Variants in CELF4 observed in about 807,000 individuals in gnomAD.
CELF4 encodes the protein CUGBP Elav-like family member 4, also known as CUG-BP- and ETR-3-like factor 4.
Under a neutral mutation model 59.9 loss-of-function variants are expected in CELF4, and 18 were observed. The ratio of observed to expected loss-of-function variants is 0.30; its 90% confidence interval spans 0.21 to 0.45. The LOEUF (loss-of-function observed/expected upper bound fraction) is 0.45, where lower values mean the gene tolerates loss of function less well. Ranked by LOEUF, CELF4 falls within the 20% of genes least tolerant of loss-of-function variation. The pLI is 1.00. For synonymous variants in CELF4, 261 were observed against 267.1 expected (o/e 0.98, Z 0.22); for missense variants, 456 against 689.0 (o/e 0.66, Z 3.79).
At chr18:37,521,355 C>T (rs1221547829) in intron 1 of CELF4, among the ~76,000 whole-genome samples, 1 of 152,064 alleles carries the variant, frequency 6.6e-6, no homozygotes, top group Non-Finnish European at 1.5e-5. Context: ...CAAGTCCCCA[C>T]ACTCTCTATT....
intron 2 of CELF4, among the ~76,000 whole-genome samples, chr18:37,406,418 C>T (rs926755480): frequency 5.9e-5 from 9 of 152,180 alleles, no homozygotes; most frequent in Non-Finnish European, 8.8e-5. Context: ...CTCCCACATA[C>T]GTCCCTATCC....
Position 37,253,377 on chromosome 18 carries a change from G to A in CELF4, c.*44+390C>T, listed in dbSNP as rs1264431512. 1.3e-5 allele frequency among the ~76,000 whole-genome samples: 2 copies of A among 152,302 alleles called. No homozygotes were observed. Among genetic ancestry groups the A allele is most frequent in the African/African-American group, 4.8e-5 (2 of 41,570 alleles). On this transcript the variant is annotated intron_variant, in intron 12 of 12. Coordinates refer to ENST00000420428, the MANE Select transcript of CELF4 (RefSeq NM_020180.4). The surrounding 1 kb of genome is among the most constrained non-coding windows in gnomAD (Gnocchi z 4.5). ...CCGGGGGTCTGGGAGCAGGCCCCGC[G>A]GGCGGCTGCAGCTCTTCTGGGTAGA...
rs2154361657 is a variant in CELF4 at position 37,274,856 on chromosome 18, G to T, written c.606C>A (p.His202Gln). ...CGTTGATGGCGGCCTGCGCCTCGGCGTGGGAGGAGTACTTCACAAAGGCGC... is the reference window on the plus strand; with the variant it reads ...CGTTGATGGCGGCCTGCGCCTCGGCTTGGGAGGAGTACTTCACAAAGGCGC... Reference protein sequence around the residue: ...KGCAFVKYSSHAEAQAAINAL... With the variant: ...KGCAFVKYSSQAEAQAAINAL... The change falls in exon 5 of 13, where the codon CAC becomes CAA. Residue 202 changes from histidine to glutamine, a missense_variant. By Grantham distance (24) the His-to-Gln change is conservative. This residue lies in a region of CELF4 where 56 missense variants were observed against 92.0 expected (regional missense o/e 0.61). Transcript: ENST00000420428. The T allele has an allele frequency of 6.2e-7, 1 of 1,608,076 alleles. No homozygotes were observed.
chr18:37,491,177 G>A (rs187059854), intron 1 of CELF4, among the ~76,000 whole-genome samples: 12 of 118,074 alleles, frequency 1.0e-4, no homozygotes, highest in African/African-American at 2.5e-4. Flanking sequence ...GAGGGATGCC[G>A]TGCCCACCTC....
chr18:37,546,703 C>T (rs2099981518), intron 1 of CELF4, among the ~76,000 whole-genome samples: 1 of 152,226 alleles, frequency 6.6e-6, no homozygotes, highest in South Asian at 2.1e-4. Context: ...CACCAACACA[C>T]ACGTGCATGC....
At position 37,565,293 on chromosome 18, in the gene CELF4, G is replaced by A. The variant is rs1244694169; in HGVS notation, c.286+63C>T. 6.9e-6 allele frequency: 10 copies of A among 1,459,044 alleles called. No individual in the cohort carries two copies. In the East Asian group the frequency reaches 2.2e-4, roughly 32 times the overall value. The allele number at this position is 1,459,044 out of a possible 1,614,324, so 90.4% of individuals were successfully genotyped here. A position where few individuals can be genotyped will look rare whatever the true frequency, so the allele number is the denominator to read the frequency against. On this transcript the variant is annotated intron_variant, in intron 1 of 12. Coordinates refer to ENST00000420428, the MANE Select transcript of CELF4 (RefSeq NM_020180.4). ...TCCGCCGCTCGTCAGTCGCCGGCCG[G>A]CCGGTCGGCCCGCCAGCCCGCTCCT...
In CELF4 at chr18:37,243,436, A is replaced by G. The variant is rs892814770; in HGVS notation, c.*1806T>C. The G allele has an allele frequency of 3.9e-5, 6 of 152,132 alleles. No individual in the cohort carries two copies. Among genetic ancestry groups the G allele is most frequent in the Non-Finnish European group, 8.8e-5 (6 of 68,006 alleles). The allele number at this position is 152,132 out of a possible 1,614,324, so 9.4% of individuals were successfully genotyped here. On this transcript the variant is annotated 3_prime_UTR_variant, in exon 13 of 13. Coordinates refer to ENST00000420428, the MANE Select transcript of CELF4 (RefSeq NM_020180.4). ...CCAAAGCAATCTTCCCAAGGGTGCA[A>G]ATAAATTATAATAAATATGTTATAC...
chr18:37,271,253 C>A (rs1472631818), intron 7 of CELF4, among the ~76,000 whole-genome samples: 2 of 139,178 alleles, frequency 1.4e-5, no homozygotes, highest in East Asian at 4.1e-4. Context: ...TTCCTTCAGT[C>A]CTTTTTTTTT....
chr18:37,548,452 G>C (rs1227124709), intron 1 of CELF4, among the ~76,000 whole-genome samples: 1 of 152,144 alleles, frequency 6.6e-6, no homozygotes, highest in African/African-American at 2.4e-5. Flanking sequence ...GATGTAATGA[G>C]ATAAAACAAG....
chr18:37,542,092 T>C (rs2099978246), intron 1 of CELF4, among the ~76,000 whole-genome samples: 1 of 152,140 alleles, frequency 6.6e-6, no homozygotes, highest in South Asian at 2.1e-4. Context: ...TGATGGTGTT[T>C]GTGGGAGAAG....
intron 2 of CELF4, among the ~76,000 whole-genome samples, chr18:37,477,503 T>G (rs569115690): frequency 6.6e-6 from 1 of 152,244 alleles, no homozygotes; most frequent in South Asian, 2.1e-4. Flanking sequence ...GGTGGGACCT[T>G]TATTTTACAA....
chr18:37,366,680 G>C (rs1229270859), intron 2 of CELF4, among the ~76,000 whole-genome samples: 1 of 152,226 alleles, frequency 6.6e-6, no homozygotes, highest in Non-Finnish European at 1.5e-5. Flanking sequence ...GAGGGTCAGG[G>C]AGGGAGGCAT....
At chr18:37,348,126 C>T (rs1484345262) in intron 2 of CELF4, among the ~76,000 whole-genome samples, 1 of 152,196 alleles carries the variant, frequency 6.6e-6, no homozygotes, top group Admixed American at 6.5e-5. Flanking sequence ...CTTTGTCTAC[C>T]TCTGCATTTT....
At chr18:37,416,400 C>T (rs1178691883) in intron 2 of CELF4, among the ~76,000 whole-genome samples, 1 of 152,208 alleles carries the variant, frequency 6.6e-6, no homozygotes, top group African/African-American at 2.4e-5. Context: ...TTCTAAGCCT[C>T]TAGCTTCCAT....
chr18:37,505,355 G>A (rs555249155), intron 1 of CELF4, among the ~76,000 whole-genome samples: 1 of 152,284 alleles, frequency 6.6e-6, no homozygotes, highest in Admixed American at 6.5e-5. Flanking sequence ...TTAGATTCCT[G>A]GTTAATCTTC....
At chr18:37,357,354 T>C (rs1257591370) in intron 2 of CELF4, among the ~76,000 whole-genome samples, 1 of 152,220 alleles carries the variant, frequency 6.6e-6, no homozygotes, top group Non-Finnish European at 1.5e-5. Flanking sequence ...GGTGCAAACC[T>C]CAAGCCTTGG....
chr18:37,367,274 AGT>A (rs2098797059), intron 2 of CELF4, among the ~76,000 whole-genome samples: 1 of 151,950 alleles, frequency 6.6e-6, no homozygotes, highest in Admixed American at 6.5e-5. Context: ...GAAAGGAAAC[AGT>A]GTTAGTCAAA....
chr18:37,495,281 C>T (rs191216491), intron 1 of CELF4, among the ~76,000 whole-genome samples: 6 of 152,240 alleles, frequency 3.9e-5, no homozygotes, highest in Non-Finnish European at 7.3e-5. Context: ...CGCTAAATTA[C>T]GTGATATGGG....
intron 2 of CELF4, among the ~76,000 whole-genome samples, chr18:37,390,616 TG>T (rs2099148780): frequency 6.6e-6 from 1 of 151,780 alleles, no homozygotes; most frequent in Non-Finnish European, 1.5e-5. Context: ...AGAATTAAGC[TG>T]GGGGCAGGGG....
Sources: gnomAD v4.1 joint callset for allele counts (sites outside exome capture counted in the v4.1 genomes callset) on GRCh38, gnomAD v4.1.1 for gene constraint, gnomAD v4.1.1 regional missense constraint, Gnocchi (gnomAD v3.1) non-coding constraint, MANE v1.5 for transcripts, NCBI Gene and HGNC (gene_info 2026-07-23, HGNC 2026-07-21) for gene names.